TMX3: variants seen among roughly 807,000 people sequenced by gnomAD.
The protein encoded by TMX3 is protein disulfide-isomerase TMX3.
TMX3 carries 40 observed loss-of-function variants against 64.4 expected under a neutral mutation model. That is an observed-to-expected ratio of 0.62 (90% CI 0.48 to 0.81). The LOEUF is 0.81. Ranked by LOEUF, TMX3 falls within the 30% of genes least tolerant of loss-of-function variation. The probability of loss-of-function intolerance (pLI) is 0.00; values close to 1 mark genes in which losing one functional copy is unlikely to be tolerated. For synonymous variants in TMX3, 189 were observed against 175.7 expected (o/e 1.08, Z -0.60); for missense variants, 497 against 534.5 (o/e 0.93, Z 0.69).
Position 68,710,161 on chromosome 18 carries a change from A to T in TMX3, c.142-17T>A. 1 of 1,512,554 alleles carries T rather than the reference A, an allele frequency of 6.6e-7. No individual in the cohort carries two copies. Among genetic ancestry groups the T allele is most frequent in the Non-Finnish European group, 8.8e-7 (1 of 1,134,898 alleles). The allele number at this position is 1,512,554 out of a possible 1,614,324, so 93.7% of individuals were successfully genotyped here. A position where few individuals can be genotyped will look rare whatever the true frequency, so the allele number is the denominator to read the frequency against. ...CGCATAAAACTTGTTTTAAAAAAAC[A>T]AACAACAAACAAAAAAAGATAACCA... On this transcript the variant is annotated splice_polypyrimidine_tract_variant and intron_variant, in intron 3 of 15. Coordinates refer to ENST00000299608, the MANE Select transcript of TMX3 (RefSeq NM_019022.5).
At chr18:68,678,536 C>G (rs1465667991) in intron 15 of TMX3, among the ~76,000 whole-genome samples, 1 of 151,926 alleles carries the variant, frequency 6.6e-6, no homozygotes, top group Non-Finnish European at 1.5e-5. Context: ...CTCACAGCAG[C>G]ACGGAAAGGA....
intron 12 of TMX3, 133 bp from the exon 13 acceptor site, chr18:68,683,114 A>C (rs1661144343): frequency 1.4e-6 from 1 of 702,154 alleles, no homozygotes; most frequent in African/African-American, 1.8e-5. Flanking sequence ...AGGCCCAGAA[A>C]CTGTAAACAT....
In TMX3 at chr18:68,690,945, C is replaced by A. The variant is rs112992377; in HGVS notation, c.637+350G>T. On this transcript the variant is annotated intron_variant, in intron 9 of 15. Transcript: ENST00000299608. ...ACAGGGGCTTCAACACTATTGAACA[C>A]GTGTTATTTCTTCAAGTCTTTTTCT... is the stretch of plus-strand genomic sequence containing the variant. 25 of 222,062 alleles carry A rather than the reference C, an allele frequency of 1.1e-4. No homozygotes were observed. In the Admixed American group the frequency reaches 1.2e-3, roughly 11 times the overall value. 13.8% of individuals were successfully genotyped at this position (222,062 alleles called of 1,614,324 possible).
intron 10 of TMX3, chr18:68,687,285 C>A: frequency 2.0e-6 from 2 of 985,380 alleles, no homozygotes; most frequent in Non-Finnish European, 2.4e-6. Context: ...GCCAATTTAA[C>A]TTACATTTTT....
chr18:68,683,062 A>G (rs1364930247), intron 12 of TMX3, 81 bp from the exon 13 acceptor site: 4 of 1,288,624 alleles, frequency 3.1e-6, no homozygotes, highest in Non-Finnish European at 4.4e-6. Context: ...ATTAAATAGT[A>G]AAAAAGTAAA....
intron 13 of TMX3, among the ~76,000 whole-genome samples, chr18:68,682,246 C>T (rs1913507761): frequency 6.6e-6 from 1 of 152,166 alleles, no homozygotes; most frequent in Non-Finnish European, 1.5e-5. Context: ...TAAATACTCA[C>T]TAAATGTTCA....
intron 4 of TMX3, 71 bp downstream of exon 4, chr18:68,709,950 C>A: frequency 2.1e-6 from 3 of 1,430,978 alleles, no homozygotes; most frequent in Non-Finnish European, 2.8e-6. Context: ...CTTCCTCCCA[C>A]CCTGAATACT....
At chr18:68,710,550 ACAT>A (rs2031172403) in intron 3 of TMX3, among the ~76,000 whole-genome samples, 1 of 148,244 alleles carries the variant, frequency 6.7e-6, no homozygotes, top group African/African-American at 2.7e-5. Context: ...AAAAATGTCA[ACAT>A]AGTAGGTGAC....
At chr18:68,689,986 AG>A (rs1322146752) in intron 9 of TMX3, 1 of 152,212 alleles carries the variant, frequency 6.6e-6, no homozygotes, top group Non-Finnish European at 1.5e-5. Flanking sequence ...TATTATCTAT[AG>A]AAACAAATAA....
At chr18:68,682,899 G>T in intron 13 of TMX3, 26 bp downstream of exon 13, 1 of 1,574,820 alleles carries the variant, frequency 6.3e-7, no homozygotes, top group Non-Finnish European at 8.6e-7. Context: ...AGATTTGACA[G>T]CAAAATCATT....
intron 4 of TMX3, among the ~76,000 whole-genome samples, chr18:68,706,662 A>G (rs769405700): frequency 1.3e-5 from 2 of 152,158 alleles, no homozygotes; most frequent in Non-Finnish European, 2.9e-5. Flanking sequence ...GTATCTATGA[A>G]ACAGCCAATC....
In TMX3 at chr18:68,687,651, TA is replaced by T; in HGVS notation, c.736+15del. On this transcript the variant is annotated intron_variant, in intron 10 of 15. Transcript: ENST00000299608. ...AATCATGTAACATAATGGAGACTTG[TA>T]CATATGCTTGTTACCTGTGTCTCCA... 6.3e-7 allele frequency: 1 copy of T among 1,597,488 alleles called. No homozygotes were observed. Among genetic ancestry groups the T allele is most frequent in the South Asian group, 1.1e-5 (1 of 88,264 alleles).
rs1475140298 is a variant in TMX3, at chr18:68,697,973, G to T, written c.451C>A (p.Arg151Ser). 1 of 1,611,890 alleles carries T rather than the reference G, an allele frequency of 6.2e-7. No individual in the cohort carries two copies. The highest frequency in any genetic ancestry group is 1.1e-5 in the South Asian group (1 of 90,952). ...CCACCTACATAAACGAAAAATACAC[G>T]GTGTCTCTTCTGCATATGTTCAAAC... ...QMFEHMQKRH[R>S]VFFVYVGGES... is the part of the protein sequence containing the mutation. The change falls in exon 7 of 16, where the codon CGT becomes AGT. Residue 151 changes from arginine (R) to serine (S), a missense_variant. By Grantham distance (110) the Arg-to-Ser change is moderately radical (BLOSUM62 -1). Coordinates refer to ENST00000299608, the MANE Select transcript of TMX3 (RefSeq NM_019022.5).
intron 4 of TMX3, among the ~76,000 whole-genome samples, chr18:68,707,921 GTATATGTGTA>G (rs1221654963): frequency 3.0e-4 from 45 of 150,042 alleles, no homozygotes; most frequent in East Asian, 3.9e-4. Context: ...ATATATGTGT[GTATATGTGTA>G]TATATGTGTA....
At chr18:68,713,600 G>A (rs900284594) in intron 2 of TMX3, among the ~76,000 whole-genome samples, 5 of 152,022 alleles carry the variant, frequency 3.3e-5, no homozygotes, top group Non-Finnish European at 7.4e-5. Flanking sequence ...AAAGGAAAAA[G>A]ACATAAATAC....
chr18:68,713,781 C>T, intron 2 of TMX3, 65 bp downstream of exon 2: 7 of 805,054 alleles, frequency 8.7e-6, no homozygotes, highest in Non-Finnish European at 1.2e-5. Flanking sequence ...GAATCACATG[C>T]AAATATTCAG....
intron 6 of TMX3, among the ~76,000 whole-genome samples, chr18:68,698,394 C>G (rs1915325418): frequency 6.6e-6 from 1 of 151,978 alleles, no homozygotes; most frequent in South Asian, 2.1e-4. Context: ...TTTTTTTCTC[C>G]CTTTCAAAAG....
At chr18:68,699,603 A>C (rs996428861) in intron 6 of TMX3, among the ~76,000 whole-genome samples, 1 of 152,192 alleles carries the variant, frequency 6.6e-6, no homozygotes, top group African/African-American at 2.4e-5. Flanking sequence ...AAGCTATTTA[A>C]AGCTATCAGT....
chr18:68,701,536 G>T, intron 5 of TMX3: 1 of 1,172,224 alleles, frequency 8.5e-7, no homozygotes, highest in Non-Finnish European at 1.2e-6. Flanking sequence ...AGCAAAACAC[G>T]TGAATTAGCC....
Sources: allele counts gnomAD v4.1 joint callset (sites outside exome capture counted in the v4.1 genomes callset), GRCh38; gene constraint gnomAD v4.1.1; transcripts MANE v1.5; gene names NCBI Gene and HGNC (gene_info 2026-07-23, HGNC 2026-07-21).